The following TARBP1 variants were observed in gnomAD, a reference collection of about 807,000 sequenced individuals.
TARBP1 encodes the protein tRNA guanosine 2 -O-methyltransferase TARBP1.
A neutral mutation model predicts 178.6 loss-of-function variants in TARBP1; 144 were observed. The observed-to-expected ratio is 0.81, with a 90% CI of 0.70 to 0.93. The LOEUF is 0.93. Ranked by LOEUF, TARBP1 falls within the 40% of genes least tolerant of loss-of-function variation. The pLI is 0.00. For synonymous variants in TARBP1, 787 were observed against 781.0 expected (o/e 1.01, Z -0.13); for missense variants, 2,067 against 2,011.7 (o/e 1.03, Z -0.53).
At chr1:234,394,863 G>A (rs1659758520) in intron 26 of TARBP1, among the ~76,000 whole-genome samples, 1 of 151,592 alleles carries the variant, frequency 6.6e-6, no homozygotes, top group Non-Finnish European at 1.5e-5. Context: ...GAGGCTGAGG[G>A]AGGATCACCT....
chr1:234,420,046 T>C (rs1189004023), intron 21 of TARBP1, among the ~76,000 whole-genome samples: 1 of 152,222 alleles, frequency 6.6e-6, no homozygotes, highest in Non-Finnish European at 1.5e-5. Flanking sequence ...TTTTTAAAAA[T>C]TGCATGAGTT....
At chr1:234,460,588 C>T (rs1485211402) in intron 6 of TARBP1, among the ~76,000 whole-genome samples, 192 bp from the exon 7 acceptor site, 1 of 152,152 alleles carries the variant, frequency 6.6e-6, no homozygotes, top group African/African-American at 2.4e-5. Flanking sequence ...AGAACCCTCA[C>T]ACAATGCTGG....
chr1:234,426,139 C>T (rs573599872), intron 19 of TARBP1, among the ~76,000 whole-genome samples: 1 of 152,168 alleles, frequency 6.6e-6, no homozygotes, highest in Non-Finnish European at 1.5e-5. Flanking sequence ...ACCACAGATA[C>T]CTCCATTCAC....
intron 6 of TARBP1, among the ~76,000 whole-genome samples, chr1:234,461,754 G>A (rs1667881751): frequency 1.3e-5 from 2 of 152,290 alleles, no homozygotes; most frequent in South Asian, 4.1e-4. Flanking sequence ...GACTACCTTG[G>A]ATTTAATTAC....
Position 234,478,680 on chromosome 1 carries a change from CCACGGCAGCCTCGG to C in TARBP1, c.410_423del (p.Ala137GlyfsTer39). On this transcript the variant is annotated frameshift_variant, in exon 1 of 30. Coordinates refer to ENST00000040877, the MANE Select transcript of TARBP1 (RefSeq NM_005646.4). LOFTEE classifies it high-confidence loss of function. The stretch of plus-strand genomic sequence containing the variant: ...CATGGCCCGACGGCTGCTAGCACTT[CCACGGCAGCCTCGG>C]CGCCAGGCGCGCGCCACCCGGCGAG... 8.1e-7 allele frequency: 1 copy of C among 1,233,750 alleles called. No individual in the cohort carries two copies. Among genetic ancestry groups the C allele is most frequent in the South Asian group, 2.8e-5 (1 of 35,956 alleles). The allele number at this position is 1,233,750 out of a possible 1,614,324, so 76.4% of individuals were successfully genotyped here. A position where few individuals can be genotyped will look rare whatever the true frequency, so the allele number is the denominator to read the frequency against.
chr1:234,442,970 T>C (rs1315588984), intron 12 of TARBP1, among the ~76,000 whole-genome samples: 2 of 152,126 alleles, frequency 1.3e-5, no homozygotes, highest in Non-Finnish European at 2.9e-5. Context: ...ATACAAACTG[T>C]GGGCAAAAGT....
intron 4 of TARBP1, among the ~76,000 whole-genome samples, chr1:234,466,083 A>C (rs553345012): frequency 2.0e-5 from 3 of 150,006 alleles, no homozygotes; most frequent in Non-Finnish European, 2.9e-5. Context: ...TAGAGGATAA[A>C]GAGGAAAAAA....
At chr1:234,417,978 T>A in intron 22 of TARBP1, 106 bp downstream of exon 22, 1 of 642,932 alleles carries the variant, frequency 1.6e-6, no homozygotes, top group South Asian at 3.7e-5. Flanking sequence ...GTCAATACAA[T>A]AGGGCAACTG....
rs1211692595 is a variant in TARBP1 at position 234,472,573 on chromosome 1, T to C, written c.1029+141A>G. 5 of 567,168 alleles carry C rather than the reference T, an allele frequency of 8.8e-6. No individual in the cohort carries two copies. The East Asian group carries it at 1.3e-4, about 15-fold the overall frequency. The allele number at this position is 567,168 out of a possible 1,614,324, so 35.1% of individuals were successfully genotyped here. A position where few individuals can be genotyped will look rare whatever the true frequency, so the allele number is the denominator to read the frequency against. ...CAACTTACACTCTAAGTTGCATTTA[T>C]GCCAGACAACAAAGTATACTTGGAT... On this transcript the variant is annotated intron_variant, in intron 2 of 29. Coordinates refer to ENST00000040877, the MANE Select transcript of TARBP1 (RefSeq NM_005646.4).
At chr1:234,435,716 C>T (rs1387953524) in intron 13 of TARBP1, among the ~76,000 whole-genome samples, 1 of 152,166 alleles carries the variant, frequency 6.6e-6, no homozygotes, top group African/African-American at 2.4e-5. Flanking sequence ...ATACATCTGG[C>T]AACTGGAAAT....
intron 13 of TARBP1, among the ~76,000 whole-genome samples, chr1:234,435,347 C>T (rs111511257): frequency 3.4e-5 from 5 of 146,612 alleles, no homozygotes; most frequent in East Asian, 2.1e-4. Context: ...ATTACAGGCG[C>T]GGTGGCGCAC....
At chr1:234,469,037 G>A (rs1668755875) in intron 3 of TARBP1, among the ~76,000 whole-genome samples, 1 of 124,296 alleles carries the variant, frequency 8.0e-6, no homozygotes, top group Non-Finnish European at 1.6e-5. Context: ...CTAGGTTGGT[G>A]CGAAAGTCGT....
intron 20 of TARBP1, among the ~76,000 whole-genome samples, chr1:234,423,424 C>A (rs1374619156): frequency 6.6e-6 from 1 of 152,000 alleles, no homozygotes; most frequent in African/African-American, 2.4e-5. Flanking sequence ...AGGTTCCCCT[C>A]CAGGAACGAC....
chr1:234,394,797 G>T (rs1558136648), intron 26 of TARBP1, among the ~76,000 whole-genome samples: 1 of 152,182 alleles, frequency 6.6e-6, no homozygotes, highest in Admixed American at 6.5e-5. Context: ...CAATGATAAA[G>T]AATTTATTCT....
In TARBP1 at chr1:234,418,222, A is replaced by G; in HGVS notation, c.3567T>C (p.Asn1189=). The G allele has an allele frequency of 1.3e-6, 2 of 1,550,180 alleles. No homozygotes were observed. Among genetic ancestry groups the G allele is most frequent in the South Asian group, 1.3e-5 (1 of 77,692 alleles). ...LFPRLDQNFL[N]GIIDRIFQAG... ...CCTGGAAAATCCTGTCAATAATTCCATTCAAGAAATTCTGAGAAAAAAAGT... is the reference window on the plus strand; with the variant it reads ...CCTGGAAAATCCTGTCAATAATTCCGTTCAAGAAATTCTGAGAAAAAAAGT... The change falls in exon 22 of 30, where the codon AAT becomes AAC. Residue 1189 remains asparagine, a synonymous_variant. Coordinates refer to ENST00000040877, the MANE Select transcript of TARBP1 (RefSeq NM_005646.4).
Position 234,405,678 on chromosome 1 carries a change from G to A in TARBP1, c.3989+225C>T, listed in dbSNP as rs377422690. Among the ~76,000 whole-genome samples the A allele has an allele frequency of 1.3e-3, 198 of 152,300 alleles. 2 individuals carry two copies. The highest frequency in any genetic ancestry group is 4.4e-3 in the African/African-American group (183 of 41,562). Reference sequence around the variant, plus strand: ...AAGATTATTTGTACAATAAAGGATTGAGGATAAAAGGGCAATAAGAGGTCA... The same window carrying A: ...AAGATTATTTGTACAATAAAGGATTAAGGATAAAAGGGCAATAAGAGGTCA... On this transcript the variant is annotated intron_variant, in intron 24 of 29. Coordinates refer to ENST00000040877, the MANE Select transcript of TARBP1 (RefSeq NM_005646.4).
Position 234,393,723 on chromosome 1 carries a change from C to T in TARBP1, c.4358G>A (p.Arg1453His), listed in dbSNP as rs372748386. 5.7e-5 allele frequency: 92 copies of T among 1,614,000 alleles called. No individual in the cohort carries two copies. Among genetic ancestry groups the T allele is most frequent in the South Asian group, 2.2e-4 (20 of 91,082 alleles). ...AATTGACTTTCCAAGTCTGGCAGCA[C>T]GATCCTGAAACAGGAGCTCCAGGTC... is the stretch of plus-strand genomic sequence containing the variant. ...DLDLELLFQD[R>H]AARLGKSISR... The change falls in exon 27 of 30, where the codon CGT (arginine) becomes CAT (histidine). Residue 1453 changes from arginine to histidine, a missense_variant. Coordinates refer to ENST00000040877, the MANE Select transcript of TARBP1 (RefSeq NM_005646.4).
chr1:234,403,148 C>A (rs547114667), intron 24 of TARBP1, among the ~76,000 whole-genome samples: 1 of 152,232 alleles, frequency 6.6e-6, no homozygotes, highest in Admixed American at 6.5e-5. Context: ...TGCTGGCTTC[C>A]CCATTCACTC....
chr1:234,411,348 C>CCTCAGGTTTTGGCAT (rs1361642754), intron 22 of TARBP1, among the ~76,000 whole-genome samples: 2 of 152,130 alleles, frequency 1.3e-5, no homozygotes, highest in Non-Finnish European at 2.9e-5. Context: ...ACTTGAGCAT[C>CCTCAGGTTTTGGCAT]CTCAGGTTTT....
Sources: gnomAD v4.1 joint callset for allele counts (sites outside exome capture counted in the v4.1 genomes callset) on GRCh38, gnomAD v4.1.1 for gene constraint, MANE v1.5 for transcripts, NCBI Gene and HGNC (gene_info 2026-07-23, HGNC 2026-07-21) for gene names.